The following FOXN3 variants were observed in gnomAD, a reference collection of about 807,000 sequenced individuals.
FOXN3 encodes forkhead box protein N3.
In FOXN3, 7 loss-of-function variants were observed where a neutral mutation model predicts 38.4. That is an observed-to-expected ratio of 0.18 (90% CI 0.10 to 0.34). The LOEUF (loss-of-function observed/expected upper bound fraction) is 0.34. Among genes scored for constraint, FOXN3 ranks in the 10% least tolerant of loss-of-function variants. The probability of loss-of-function intolerance (pLI) is 1.00; values close to 1 mark genes in which losing one functional copy is unlikely to be tolerated. For missense variants in FOXN3, 456 were observed against 613.4 expected, an observed-to-expected ratio of 0.74 and a Z score of 2.71; for synonymous variants, 230 against 242.2, an observed-to-expected ratio of 0.95 and a Z score of 0.47.
intron 1 of FOXN3, among the ~76,000 whole-genome samples, chr14:89,505,327 C>T (rs2129556): frequency 3.3e-5 from 5 of 149,434 alleles, no homozygotes; most frequent in Admixed American, 6.7e-5. Context: ...GATGCCGAGC[C>T]GAGGCTGGAC....
chr14:89,602,283 T>C (rs988865176), intron 1 of FOXN3, among the ~76,000 whole-genome samples: 1 of 147,466 alleles, frequency 6.8e-6, no homozygotes, highest in African/African-American at 2.6e-5. Context: ...AGCAAGACTT[T>C]GTGTCAAAAA....
chr14:89,400,384 G>A (rs1170001743), intron 2 of FOXN3, among the ~76,000 whole-genome samples: 4 of 152,146 alleles, frequency 2.6e-5, no homozygotes, highest in East Asian at 1.9e-4. Flanking sequence ...ACCTCCACCC[G>A]AATGTCTCCA....
chr14:89,421,311 GGC>G (rs1891901047), upstream of FOXN3, among the ~76,000 whole-genome samples: 1 of 151,526 alleles, frequency 6.6e-6, no homozygotes, highest in African/African-American at 2.4e-5. Context: ...CACCACACCT[GGC>G]TAATTTTGTA....
chr14:89,440,729 A>T (rs926786340), intron 1 of FOXN3, among the ~76,000 whole-genome samples: 4 of 152,050 alleles, frequency 2.6e-5, no homozygotes, highest in Admixed American at 2.6e-4. Context: ...GCCCACCTGC[A>T]CCCAGGTGAA....
intron 1 of FOXN3, among the ~76,000 whole-genome samples, chr14:89,551,252 G>A (rs1250792666): frequency 3.9e-5 from 6 of 152,202 alleles, no homozygotes; most frequent in East Asian, 3.8e-4. Flanking sequence ...CGGGGCACCC[G>A]ACTGTGCTAT....
chr14:89,535,401 G>A (rs747067337), intron 1 of FOXN3, among the ~76,000 whole-genome samples: 5 of 152,122 alleles, frequency 3.3e-5, no homozygotes, highest in Admixed American at 6.5e-5. Context: ...CTGAACACAG[G>A]TCAAGACATG....
chr14:89,172,633 G>T lies in FOXN3; in HGVS notation c.851+8068C>A, dbSNP rs553297959. On this transcript the variant is annotated intron_variant, in intron 5 of 5. Coordinates refer to ENST00000557258, the MANE Select transcript of FOXN3 (RefSeq NM_005197.4). ...GAACTTACAAAGATATCATAATTCA[G>T]ACACTGTGGTATTGCCATGGTACAG... is the stretch of plus-strand genomic sequence containing the variant. 4.6e-5 allele frequency among the ~76,000 whole-genome samples: 7 copies of T among 152,272 alleles called. No homozygotes were observed. In the South Asian group the frequency reaches 1.4e-3, roughly 32 times the overall value.
At chr14:89,294,761 G>A (rs1209585678) in intron 3 of FOXN3, among the ~76,000 whole-genome samples, 32 of 152,140 alleles carry the variant, frequency 2.1e-4, no homozygotes, top group Admixed American at 2.1e-3. Flanking sequence ...GTCTAAAAAG[G>A]GGAGGCATGA....
At chr14:89,592,007 A>AACTCTAAT (rs1452498433) in intron 1 of FOXN3, among the ~76,000 whole-genome samples, 2 of 152,190 alleles carry the variant, frequency 1.3e-5, no homozygotes, top group Admixed American at 1.3e-4. Flanking sequence ...AAATGCCCAA[A>AACTCTAAT]ACTCTAATTA....
At chr14:89,472,299 G>A (rs1893112413) in intron 1 of FOXN3, among the ~76,000 whole-genome samples, 1 of 151,002 alleles carries the variant, frequency 6.6e-6, no homozygotes, top group Admixed American at 6.6e-5. Flanking sequence ...TTATGCCACT[G>A]AGTTTTGGGG....
intron 1 of FOXN3, among the ~76,000 whole-genome samples, chr14:89,416,450 G>A (rs913681403): frequency 6.6e-6 from 1 of 152,200 alleles, no homozygotes; most frequent in Middle Eastern, 3.4e-3. Flanking sequence ...CGGGCCTCGG[G>A]GGTCTCCGGA....
intron 2 of FOXN3, among the ~76,000 whole-genome samples, chr14:89,370,601 C>G (rs1226669601): frequency 1.3e-5 from 2 of 152,240 alleles, no homozygotes; most frequent in African/African-American, 4.8e-5. Flanking sequence ...GAAGCAGGTT[C>G]TTCAAAGTGT....
In FOXN3 at chr14:89,432,786, T is replaced by C. The variant is rs180995472; in HGVS notation, c.-14-20296A>G. Among the ~76,000 whole-genome samples the C allele has an allele frequency of 4.4e-3, 674 of 152,256 alleles. 3 individuals carry two copies. Among genetic ancestry groups the C allele is most frequent in the African/African-American group, 0.016 (657 of 41,554 alleles). ...TTTTGGGGTTTTTGGGAGGGAGTTT[T>C]TGTTTTGTTTTGTGGCATTGGTTTG... On this transcript the variant is annotated intron_variant, in intron 1 of 6. Transcript: ENST00000345097.
rs970555223 is a variant in FOXN3 at position 89,409,716 on chromosome 14, A to G, written c.543+2218T>C. ...TTGAAGACTTTCCCTTTCTTGCCACAAAGACCCACCTATACAGAAGCTTTA... is the reference window on the plus strand; with the variant it reads ...TTGAAGACTTTCCCTTTCTTGCCACGAAGACCCACCTATACAGAAGCTTTA... On this transcript the variant is annotated intron_variant, in intron 2 of 5. Transcript: ENST00000557258. Among the ~76,000 whole-genome samples, 4 of 152,266 alleles carry G rather than the reference A, an allele frequency of 2.6e-5. No homozygotes were observed. In the South Asian group the frequency reaches 6.2e-4, roughly 24 times the overall value.
intron 1 of FOXN3, among the ~76,000 whole-genome samples, chr14:89,546,741 A>T (rs990100659): frequency 6.6e-6 from 1 of 152,094 alleles, no homozygotes; most frequent in African/African-American, 2.4e-5. Context: ...TTTTATATAC[A>T]CATATGCATA....
chr14:89,284,323 T>C (rs988301458), intron 3 of FOXN3: 6 of 378,230 alleles, frequency 1.6e-5, no homozygotes, highest in African/African-American at 8.4e-5. Context: ...TTCCCCGTTC[T>C]ATAGGGAGAC....
chr14:89,542,950 G>A (rs558164553), intron 1 of FOXN3, among the ~76,000 whole-genome samples: 1 of 152,170 alleles, frequency 6.6e-6, no homozygotes, highest in East Asian at 1.9e-4. Flanking sequence ...AACAGCAGAA[G>A]CAAAACAATG....
intron 1 of FOXN3, among the ~76,000 whole-genome samples, chr14:89,508,169 C>G (rs551243214): frequency 8.9e-4 from 136 of 152,250 alleles, no homozygotes; most frequent in Non-Finnish European, 1.6e-3. Context: ...TTGAAGGCAA[C>G]CAGCCTTCCG....
chr14:89,536,733 G>A (rs139027456), intron 1 of FOXN3, among the ~76,000 whole-genome samples: 2,503 of 152,068 alleles, frequency 0.016, 76 homozygotes, highest in African/African-American at 0.057. Context: ...AGCCGAGATC[G>A]GGCCTCTGCA....
Sources: allele counts gnomAD v4.1 joint callset (sites outside exome capture counted in the v4.1 genomes callset), GRCh38; gene constraint gnomAD v4.1.1; transcripts MANE v1.5; gene names NCBI Gene and HGNC (gene_info 2026-07-23, HGNC 2026-07-21).